The following HERC5 variants were observed in gnomAD, a reference collection of about 807,000 sequenced individuals.
The protein encoded by HERC5 is HECT and RLD domain containing E3 ubiquitin protein ligase 5, also known as E3 ISG15--protein ligase HERC5.
HERC5 carries 99 observed loss-of-function variants against 119.6 expected under a neutral mutation model. The ratio of observed to expected loss-of-function variants is 0.83; its 90% CI spans 0.70 to 0.98. The LOEUF (loss-of-function observed/expected upper bound fraction) is 0.98. Ranked by LOEUF, HERC5 falls within the 50% of genes least tolerant of loss-of-function variation. The pLI is 0.00. For synonymous variants in HERC5, 478 were observed against 445.9 expected (o/e 1.07, Z -0.91); for missense variants, 1,267 against 1,241.3 (o/e 1.02, Z -0.31).
At chr4:88,494,504 G>A (rs1008138252) in intron 18 of HERC5, among the ~76,000 whole-genome samples, 173 bp downstream of exon 18, 3 of 152,174 alleles carry the variant, frequency 2.0e-5, no homozygotes, top group Non-Finnish European at 4.4e-5. Context: ...CTAAAATTAG[G>A]AAGTGTTGAT....
intron 14 of HERC5, among the ~76,000 whole-genome samples, chr4:88,486,747 A>AT (rs1741478157): frequency 6.6e-6 from 1 of 152,216 alleles, no homozygotes; most frequent in Non-Finnish European, 1.5e-5. Flanking sequence ...TACCCATGTT[A>AT]TATCATTCTC....
rs374198150 is a variant in HERC5 at position 88,463,969 on chromosome 4, C to G, written c.895C>G (p.Gln299Glu). ...VAELVGYRVT[Q>E]IACGRWHTLA... Reference sequence around the variant, plus strand: ...TGAGCTTGTTGGGTATAGAGTGACTCAGATAGCATGTGGAAGGTAAGTTGT... The same window carrying G: ...TGAGCTTGTTGGGTATAGAGTGACTGAGATAGCATGTGGAAGGTAAGTTGT... Residue 299 changes from glutamine to glutamate, a missense_variant, in exon 6 of 23, where the codon CAG becomes GAG. By Grantham distance (29) the Gln-to-Glu change is conservative (BLOSUM62 2). This residue lies in a region of HERC5 where 777 missense variants were observed against 758.0 expected (regional missense o/e 1.03). Coordinates refer to ENST00000264350, the MANE Select transcript of HERC5 (RefSeq NM_016323.4). 3.3e-5 allele frequency: 53 copies of G among 1,613,048 alleles called. No individual in the cohort carries two copies. In the South Asian group the frequency reaches 4.5e-4, roughly 14 times the overall value.
At chr4:88,474,443 A>C (rs1740984384) in intron 11 of HERC5, among the ~76,000 whole-genome samples, 1 of 152,108 alleles carries the variant, frequency 6.6e-6, no homozygotes, top group African/African-American at 2.4e-5. Flanking sequence ...AAGGGTTTGG[A>C]ATAGGTGAGG....
Position 88,489,296 on chromosome 4 carries a change from T to C in HERC5, c.2093T>C (p.Leu698Pro), listed in dbSNP as rs1741559800. The C allele has an allele frequency of 1.2e-6, 2 of 1,613,724 alleles. No homozygotes were observed. The highest frequency in any genetic ancestry group is 2.2e-5 in the East Asian group (1 of 44,890). ...NHLIEDVLNQ[L>P]SQFENEDLRK... is the part of the protein sequence containing the mutation. ...TTGATTGAGGATGTTTTGAATCAGC[T>C]AAGTCAATTTGAGAATGAAGACCTG... Residue 698 changes from leucine (L) to proline (P), a missense_variant, in exon 16 of 23, where the codon CTA becomes CCA. Physicochemically the swap from Leu to Pro is moderately conservative, Grantham distance 98. Around this residue, in one of 3 missense-constraint regions of HERC5, gnomAD observed 473 missense variants for 445.7 expected, o/e 1.06. Coordinates refer to ENST00000264350, the MANE Select transcript of HERC5 (RefSeq NM_016323.4).
At chr4:88,477,126 A>G (rs1377368826) in intron 12 of HERC5, among the ~76,000 whole-genome samples, 9 of 143,342 alleles carry the variant, frequency 6.3e-5, no homozygotes, top group Admixed American at 4.2e-4. Flanking sequence ...CCTGGCCAAC[A>G]TGGTGAAACT....
rs1741488649 is a variant in HERC5 at position 88,487,081 on chromosome 4, A to G, written c.1864A>G (p.Asn622Asp). 1 of 1,607,808 alleles carries G rather than the reference A, an allele frequency of 6.2e-7. No homozygotes were observed. The highest frequency in any genetic ancestry group is 1.1e-5 in the South Asian group (1 of 90,098). ...LWKMTVDASE[N>D]VQCCVIFSHF... ...TTTCCATTTTTAGGACGCTTCAGAAAATGTACAATGCTGCGTCATATTCAG... is the reference window on the plus strand; with the variant it reads ...TTTCCATTTTTAGGACGCTTCAGAAGATGTACAATGCTGCGTCATATTCAG... Residue 622 changes from asparagine to aspartate, a missense_variant, in exon 15 of 23, where the codon AAT becomes GAT. Asn to Asp is a conservative substitution (Grantham distance 23). Transcript: ENST00000264350.
intron 18 of HERC5, among the ~76,000 whole-genome samples, chr4:88,498,201 A>G (rs1741851450): frequency 6.6e-6 from 1 of 152,140 alleles, no homozygotes; most frequent in South Asian, 2.1e-4. Context: ...AGCCCCCACT[A>G]AGGCAATGCC....
intron 6 of HERC5, among the ~76,000 whole-genome samples, chr4:88,464,846 C>T (rs1419210368): frequency 2.0e-5 from 3 of 152,222 alleles, no homozygotes; most frequent in African/African-American, 7.2e-5. Flanking sequence ...TCTCGGCTCA[C>T]TGCAAGCTCC....
At chr4:88,473,479 C>T (rs935016727) in intron 11 of HERC5, 1 of 152,174 alleles carries the variant, frequency 6.6e-6, no homozygotes, top group African/African-American at 2.4e-5. Context: ...TTTTCTCATT[C>T]GCTCCTTTCT....
chr4:88,473,041 G>A (rs1449251016), intron 11 of HERC5: 1 of 151,216 alleles, frequency 6.6e-6, no homozygotes, highest in African/African-American at 2.4e-5. Flanking sequence ...TCTTTTTGCA[G>A]GTGCTCCAAA....
chr4:88,459,425 A>G lies in HERC5; in HGVS notation c.344A>G (p.Asp115Gly). 6.3e-7 allele frequency: 1 copy of G among 1,594,834 alleles called. No homozygotes were observed. Among genetic ancestry groups the G allele is most frequent in the Non-Finnish European group, 8.5e-7 (1 of 1,171,720 alleles). ...GAGCACATGCTGATTCTCTCATCAG[A>G]TGGAAAACCATTTGAGTATGACAAC... ...GAEHMLILSSDGKPFEYDNYS... is the reference protein window; with the variant it reads ...GAEHMLILSSGGKPFEYDNYS... The change falls in exon 2 of 23, where the codon GAT (aspartate) becomes GGT (glycine). Residue 115 changes from aspartate to glycine, a missense_variant. Around this residue, in one of 3 missense-constraint regions of HERC5, gnomAD observed 777 missense variants for 758.0 expected, o/e 1.03. Coordinates refer to ENST00000264350, the MANE Select transcript of HERC5 (RefSeq NM_016323.4).
At chr4:88,476,185 G>A (rs115842334) in intron 12 of HERC5, among the ~76,000 whole-genome samples, 155 bp downstream of exon 12, 3,230 of 152,268 alleles carry the variant, frequency 0.021, 42 homozygotes, top group Middle Eastern at 0.048. Context: ...AATTACCATG[G>A]TCATCTAAAA....
intron 12 of HERC5, among the ~76,000 whole-genome samples, chr4:88,476,296 A>G (rs1008714524): frequency 6.6e-6 from 1 of 152,204 alleles, no homozygotes; most frequent in Non-Finnish European, 1.5e-5. Flanking sequence ...TTCACAGAGA[A>G]GTTGAAAGAA....
chr4:88,500,639 A>G (rs899170453), intron 19 of HERC5, among the ~76,000 whole-genome samples: 9 of 152,270 alleles, frequency 5.9e-5, no homozygotes, highest in African/African-American at 2.2e-4. Context: ...TACTGGGTCT[A>G]TGCTGTATGA....
In HERC5 at chr4:88,470,638, T is replaced by C. The variant is rs763476320; in HGVS notation, c.1263T>C (p.Ser421=). 2.0e-6 allele frequency: 3 copies of C among 1,512,552 alleles called. No homozygotes were observed. Among genetic ancestry groups the C allele is most frequent in the Non-Finnish European group, 2.7e-6 (3 of 1,093,554 alleles). The allele number at this position is 1,512,552 out of a possible 1,614,324, so 93.7% of individuals were successfully genotyped here. ...GGGAAATCCAAGAGATATTTTCATC[T>C]CCTGCTTGTCTAACTGGAAGTTTTT... ...TKREIQEIFS[S]PACLTGSFLR... is the part of the protein sequence containing the mutation. The change falls in exon 10 of 23, where the codon TCT becomes TCC. Residue 421 remains serine (S), a synonymous_variant. Coordinates refer to ENST00000264350, the MANE Select transcript of HERC5 (RefSeq NM_016323.4).
chr4:88,457,873 ATCTCCCACTG>A, intron 1 of HERC5: 1 of 1,062,930 alleles, frequency 9.4e-7, no homozygotes, highest in Non-Finnish European at 1.1e-6. Flanking sequence ...CGCCCGCCGC[ATCTCCCACTG>A]TCTCGTTTTG....
At chr4:88,470,903 A>G (rs1363095490) in intron 10 of HERC5, among the ~76,000 whole-genome samples, 1 of 152,116 alleles carries the variant, frequency 6.6e-6, no homozygotes, top group Non-Finnish European at 1.5e-5. Flanking sequence ...GCACTTACGT[A>G]TATGATTATA....
chr4:88,492,008 A>G (rs1741653936), intron 16 of HERC5, among the ~76,000 whole-genome samples: 1 of 151,694 alleles, frequency 6.6e-6, no homozygotes, highest in South Asian at 2.1e-4. Context: ...TTTATTATTT[A>G]TTTATTTATT....
Position 88,502,108 on chromosome 4 carries a change from A to G in HERC5, c.2582+1123A>G, listed in dbSNP as rs866806089. Among the ~76,000 whole-genome samples the G allele has an allele frequency of 3.9e-5, 6 of 152,016 alleles. No individual in the cohort carries two copies. In the South Asian group the frequency reaches 8.3e-4, roughly 21 times the overall value. ...CCACTGCGCCCGGCCTATCTGTAGT[A>G]TTTTTGACCGACATAGTGTATTTCA... is the stretch of plus-strand genomic sequence containing the variant. On this transcript the variant is annotated intron_variant, in intron 20 of 22. Coordinates refer to ENST00000264350, the MANE Select transcript of HERC5 (RefSeq NM_016323.4).
Sources: gnomAD v4.1 joint callset for allele counts (sites outside exome capture counted in the v4.1 genomes callset) on GRCh38, gnomAD v4.1.1 for gene constraint, gnomAD v4.1.1 regional missense constraint, MANE v1.5 for transcripts, NCBI Gene and HGNC (gene_info 2026-07-23, HGNC 2026-07-21) for gene names.